The following ARK2C variants were observed in gnomAD, a reference collection of about 807,000 sequenced individuals.
ARK2C encodes the protein arkadia (RNF111) C-terminal like ring finger ubiquitin ligase 2C, also known as E3 ubiquitin-protein ligase ARK2C.
At chr18:46,380,981 G>T in the ARK2C span, among the ~76,000 whole-genome samples, 2 of 152,202 alleles carry the variant, frequency 1.3e-5, no homozygotes, top group African/African-American at 2.4e-5. Context: ...GTCACAGAGA[G>T]CACCTTTGAC....
chr18:46,345,017 G>A, the ARK2C span, among the ~76,000 whole-genome samples: 3,326 of 152,130 alleles, frequency 0.022, 59 homozygotes, highest in Middle Eastern at 0.031. Context: ...GGTCAGGAGG[G>A]AAGCTGAGCT....
chr18:46,392,396 G>C, the ARK2C span, among the ~76,000 whole-genome samples: 1 of 152,198 alleles, frequency 6.6e-6, no homozygotes. Context: ...GCTCCCCCAG[G>C]CTAAGGCCCT....
chr18:46,420,540 G>A, the ARK2C span, among the ~76,000 whole-genome samples: 1 of 152,170 alleles, frequency 6.6e-6, no homozygotes, highest in Non-Finnish European at 1.5e-5. Flanking sequence ...ACCCTAGCAT[G>A]TCTTGAAAGT....
At chr18:46,427,599 C>T in the ARK2C span, among the ~76,000 whole-genome samples, 1,862 of 152,332 alleles carry the variant, frequency 0.012, 20 homozygotes, top group Non-Finnish European at 0.02. Flanking sequence ...TTCTCTTTCC[C>T]GTTCCGTTTC....
At chr18:46,431,524 G>C in the ARK2C span, among the ~76,000 whole-genome samples, 1 of 152,180 alleles carries the variant, frequency 6.6e-6, no homozygotes, top group African/African-American at 2.4e-5. Context: ...CTGGGGCTGT[G>C]GAGGGTGCAG....
the ARK2C span, chr18:46,334,568 C>T: frequency 4.1e-6 from 2 of 493,142 alleles, no homozygotes; most frequent in East Asian, 7.1e-5. The surrounding 1 kb of genome is among the most constrained non-coding windows in gnomAD (Gnocchi z 4.4). Context: ...CCTTCCTCCC[C>T]AGCCCCATTT....
At chr18:46,336,450 C>T in the ARK2C span, 2 of 985,276 alleles carry the variant, frequency 2.0e-6, no homozygotes, top group African/African-American at 1.7e-5. Context: ...CAAACATGCC[C>T]ACAGGAAATT....
chr18:46,337,157 C>T, the ARK2C span: 3 of 985,284 alleles, frequency 3.0e-6, no homozygotes, highest in Non-Finnish European at 3.6e-6. Context: ...TTTGAGGGCC[C>T]TTCCAAAATA....
chr18:46,362,355 A>AC, the ARK2C span, among the ~76,000 whole-genome samples: 5 of 152,130 alleles, frequency 3.3e-5, no homozygotes, highest in African/African-American at 1.2e-4. Flanking sequence ...GTTTCAGGAC[A>AC]CCCCTAAAAG....
At chr18:46,404,704 G>A in the ARK2C span, among the ~76,000 whole-genome samples, 1 of 152,060 alleles carries the variant, frequency 6.6e-6, no homozygotes, top group East Asian at 1.9e-4. Context: ...AGTGAGCCGA[G>A]ACCGCGCCGC....
the ARK2C span, among the ~76,000 whole-genome samples, chr18:46,378,386 T>C: frequency 1.3e-5 from 2 of 152,182 alleles, no homozygotes; most frequent in African/African-American, 4.8e-5. Flanking sequence ...TCCAGGCTCC[T>C]GGTCTTTTCA....
chr18:46,388,704 A>G, the ARK2C span, among the ~76,000 whole-genome samples: 2 of 152,290 alleles, frequency 1.3e-5, no homozygotes, highest in South Asian at 2.1e-4. Context: ...TTACTCACCA[A>G]TCCTAGACAA....
chr18:46,407,347 C>A, the ARK2C span, among the ~76,000 whole-genome samples: 1 of 152,158 alleles, frequency 6.6e-6, no homozygotes, highest in African/African-American at 2.4e-5. Context: ...AGAATTGCTG[C>A]CCATGGATAG....
chr18:46,367,414 T>C, the ARK2C span, among the ~76,000 whole-genome samples: 2 of 152,154 alleles, frequency 1.3e-5, no homozygotes, highest in Non-Finnish European at 2.9e-5. Context: ...TTGTCCATAG[T>C]AGTGACCTGA....
the ARK2C span, chr18:46,435,334 C>T: frequency 2.5e-6 from 4 of 1,614,180 alleles, no homozygotes; most frequent in African/African-American, 5.3e-5. Flanking sequence ...GCCTCCATCC[C>T]AGCTTCGACT....
the ARK2C span, among the ~76,000 whole-genome samples, chr18:46,372,465 G>A: frequency 6.6e-6 from 1 of 152,196 alleles, no homozygotes; most frequent in Non-Finnish European, 1.5e-5. Context: ...GACATAAAGG[G>A]CATCATTGTC....
chr18:46,456,099 G>C, the ARK2C span: 1 of 1,432,360 alleles, frequency 7.0e-7, no homozygotes, highest in Non-Finnish European at 9.8e-7. Context: ...CCGCCATTTT[G>C]ATTCCCTCTC....
chr18:46,351,720 C>T, the ARK2C span, among the ~76,000 whole-genome samples: 1 of 152,186 alleles, frequency 6.6e-6, no homozygotes, highest in South Asian at 2.1e-4. Context: ...TTCTCAGTTA[C>T]ATCGCCTGGA....
the ARK2C span, among the ~76,000 whole-genome samples, chr18:46,395,829 T>C: frequency 6.6e-6 from 1 of 152,180 alleles, no homozygotes; most frequent in Non-Finnish European, 1.5e-5. Context: ...CAGGTGGTGA[T>C]GGGAGGAAGG....
Sources: gnomAD v4.1 joint callset for allele counts (sites outside exome capture counted in the v4.1 genomes callset) on GRCh38, gnomAD v4.1.1 for gene constraint, Gnocchi (gnomAD v3.1) non-coding constraint, MANE v1.5 for transcripts, NCBI Gene and HGNC (gene_info 2026-07-23, HGNC 2026-07-21) for gene names.